NPL: variants seen among roughly 807,000 people sequenced by gnomAD.
The protein encoded by NPL is N-acetylneuraminate pyruvate lyase, also known as N-acetylneuraminate lyase.
Under a neutral mutation model 41.1 loss-of-function variants are expected in NPL, and 32 were observed. The ratio of observed to expected loss-of-function variants is 0.78; its 90% CI spans 0.59 to 1.05. The LOEUF is 1.05. NPL is among the 50% of genes least tolerant of loss of function. The pLI is 0.00. For synonymous variants in NPL, 128 were observed against 134.9 expected, an observed-to-expected ratio of 0.95 and a Z score of 0.35; for missense variants, 321 against 378.4, an observed-to-expected ratio of 0.85 and a Z score of 1.26.
chr1:182,823,832 T>C (rs1470304537), intron 11 of NPL, among the ~76,000 whole-genome samples: 1 of 152,220 alleles, frequency 6.6e-6, no homozygotes, highest in East Asian at 1.9e-4. Flanking sequence ...TTGAAAACAA[T>C]GTTGGTAAGG....
intron 11 of NPL, among the ~76,000 whole-genome samples, chr1:182,824,399 CATTTT>C (rs1415293916): frequency 6.6e-6 from 1 of 152,174 alleles, no homozygotes; most frequent in African/African-American, 2.4e-5. Flanking sequence ...TTTTATTCTA[CATTTT>C]ATTTCTAGTA....
chr1:182,793,425 C>G (rs1397198112), intron 2 of NPL, among the ~76,000 whole-genome samples: 1 of 152,164 alleles, frequency 6.6e-6, no homozygotes, highest in East Asian at 1.9e-4. Context: ...CGCTACCCAT[C>G]TGTGGAAGCC....
chr1:182,803,552 C>A, intron 3 of NPL, 146 bp from the exon 4 acceptor site: 1 of 669,480 alleles, frequency 1.5e-6, no homozygotes, highest in South Asian at 1.7e-5. Context: ...AAACCCCAGG[C>A]ATTATTTACA....
intron 5 of NPL, 102 bp downstream of exon 5, chr1:182,806,334 G>C (rs201319872): frequency 6.4e-7 from 1 of 1,567,826 alleles, no homozygotes; most frequent in Non-Finnish European, 8.6e-7. Flanking sequence ...GTCAGAGCCG[G>C]GGCTTGAGGT....
At chr1:182,793,912 C>T (rs1165701368) in intron 2 of NPL, among the ~76,000 whole-genome samples, 3 of 149,428 alleles carry the variant, frequency 2.0e-5, no homozygotes, top group Non-Finnish European at 4.4e-5. Context: ...GCAGAATTCT[C>T]ATATGCCAGG....
chr1:182,794,249 A>T, intron 2 of NPL, 107 bp from the exon 3 acceptor site: 2 of 948,562 alleles, frequency 2.1e-6, no homozygotes, highest in Non-Finnish European at 3.5e-6. Context: ...GTGTTTGTGT[A>T]CTTGTAAGCA....
chr1:182,797,115 A>AG (rs1296828889), intron 3 of NPL, among the ~76,000 whole-genome samples: 2 of 152,008 alleles, frequency 1.3e-5, no homozygotes, highest in Non-Finnish European at 2.9e-5. Flanking sequence ...CCAACTCTTA[A>AG]GAGTCTGCAG....
intron 8 of NPL, among the ~76,000 whole-genome samples, chr1:182,817,835 C>G (rs74417276): frequency 2.2e-3 from 337 of 152,354 alleles, no homozygotes; most frequent in Non-Finnish European, 3.9e-3. Flanking sequence ...TCTGAACAAG[C>G]CATCCTCCAG....
chr1:182,811,232 T>G (rs1271386066), intron 5 of NPL, among the ~76,000 whole-genome samples: 1 of 152,124 alleles, frequency 6.6e-6, no homozygotes, highest in Non-Finnish European at 1.5e-5. Flanking sequence ...TTATTTTTAT[T>G]TTTAATTATT....
intron 11 of NPL, 138 bp downstream of exon 11, chr1:182,822,337 C>G (rs1667512405): frequency 1.4e-6 from 1 of 708,638 alleles, no homozygotes; most frequent in Non-Finnish European, 2.5e-6. Context: ...CTGTTTTGTA[C>G]TTTTTCTTGT....
At position 182,805,791 on chromosome 1, in the gene NPL, TG is replaced by T. The variant is rs570509168; in HGVS notation, c.143-352del. 7.2e-5 allele frequency among the ~76,000 whole-genome samples: 11 copies of T among 152,340 alleles called. No individual in the cohort carries two copies. In the South Asian group the frequency reaches 2.3e-3, roughly 32 times the overall value. ...AGTAACTCCCACTTATTTGACATCC[TG>T]GTACTAGATAGTGTTGATTTCCCTG... On this transcript the variant is annotated intron_variant, in intron 4 of 12. Transcript: ENST00000367553.
At chr1:182,796,811 C>T (rs756412453) in intron 3 of NPL, among the ~76,000 whole-genome samples, 8 of 151,926 alleles carry the variant, frequency 5.3e-5, no homozygotes, top group Non-Finnish European at 1.0e-4. Context: ...CCGAGGTGGG[C>T]GGATCACAAG....
Position 182,812,177 on chromosome 1 carries a change from C to T in NPL, c.252C>T (p.His84=), listed in dbSNP as rs751438154. 7.4e-6 allele frequency: 12 copies of T among 1,613,820 alleles called. No individual in the cohort carries two copies. In the Admixed American group the frequency reaches 8.3e-5, roughly 11 times the overall value. Residue 84 remains histidine, a synonymous_variant, in exon 6 of 13, where the codon CAC becomes CAT. Coordinates refer to ENST00000367553, the MANE Select transcript of NPL (RefSeq NM_030769.3). Reference sequence around the variant, plus strand: ...GCAGGCTGGATCAGGTGATAATTCACGTAGGAGCACTGAGCTTGAAGGAGT... The same window carrying T: ...GCAGGCTGGATCAGGTGATAATTCATGTAGGAGCACTGAGCTTGAAGGAGT... ...GKDKLDQVII[H]VGALSLKESQ... is the part of the protein sequence containing the mutation.
At chr1:182,792,314 C>T (rs1666537764) in intron 2 of NPL, 28 bp downstream of exon 2, 1 of 152,228 alleles carries the variant, frequency 6.6e-6, no homozygotes, top group African/African-American at 2.4e-5. Flanking sequence ...GATGCAGATC[C>T]ATGAGGTCTG....
At chr1:182,804,797 G>C (rs999424074) in intron 4 of NPL, among the ~76,000 whole-genome samples, 5 of 152,088 alleles carry the variant, frequency 3.3e-5, no homozygotes, top group Non-Finnish European at 5.9e-5. Context: ...AAAGTGTCCT[G>C]GGCCACAGGT....
chr1:182,796,730 C>T (rs975311462), intron 3 of NPL, among the ~76,000 whole-genome samples: 1 of 152,090 alleles, frequency 6.6e-6, no homozygotes, highest in Non-Finnish European at 1.5e-5. Context: ...CTGGGGAGAT[C>T]TTGTCACCTT....
Position 182,794,375 on chromosome 1 carries a change from G to A in NPL, c.4G>A (p.Ala2Thr). 6.2e-7 allele frequency: 1 copy of A among 1,614,112 alleles called. No homozygotes were observed. The highest frequency in any genetic ancestry group is 2.2e-5 in the East Asian group (1 of 44,880). M[A>T]FPKKKLQGLV... is the part of the protein sequence containing the mutation. ...TTCCAGACCTACCAGCAGCTCAATG[G>A]CCTTCCCAAAGAAGAAACTTCAGGG... The change falls in exon 3 of 13, where the codon GCC (alanine) becomes ACC (threonine). Residue 2 changes from alanine (A) to threonine (T), a missense_variant. Transcript: ENST00000367553.
At chr1:182,821,670 T>A (rs982685090) in intron 10 of NPL, among the ~76,000 whole-genome samples, 1 of 152,156 alleles carries the variant, frequency 6.6e-6, no homozygotes, top group African/African-American at 2.4e-5. Context: ...ATATACACAT[T>A]AGCAAGGAAT....
At chr1:182,790,613 T>TTTGTTGTTGTTGTTG (rs148847511) in intron 1 of NPL, among the ~76,000 whole-genome samples, 8 of 150,376 alleles carry the variant, frequency 5.3e-5, no homozygotes, top group Non-Finnish European at 8.9e-5. Context: ...GTTAAAGTCT[T>TTTGTTGTTGTTGTTG]TTGTTGTTGT....
Sources: gnomAD v4.1 joint callset for allele counts (sites outside exome capture counted in the v4.1 genomes callset) on GRCh38, gnomAD v4.1.1 for gene constraint, MANE v1.5 for transcripts, NCBI Gene and HGNC (gene_info 2026-07-23, HGNC 2026-07-21) for gene names.